The following NRG3 variants were observed in gnomAD, a reference collection of about 807,000 sequenced individuals.
NRG3 encodes the protein neuregulin 3.
A neutral mutation model predicts 66.9 loss-of-function variants in NRG3; 31 were observed. That is an observed-to-expected ratio of 0.46 (90% CI 0.35 to 0.63). The LOEUF (loss-of-function observed/expected upper bound fraction) is 0.63, where lower values mean the gene tolerates loss of function less well. NRG3 is among the 20% of genes least tolerant of loss of function. NRG3 has a pLI of 0.00. For synonymous variants in NRG3, 393 were observed against 359.4 expected (o/e 1.09, Z -1.06); for missense variants, 910 against 878.9 (o/e 1.04, Z -0.45).
chr10:82,864,544 T>A (rs1243431005), intron 3 of NRG3, among the ~76,000 whole-genome samples: 1 of 152,210 alleles, frequency 6.6e-6, no homozygotes, highest in Non-Finnish European at 1.5e-5. Flanking sequence ...GAAAAAAATG[T>A]TAATTAATGC....
intron 3 of NRG3, among the ~76,000 whole-genome samples, chr10:82,780,799 G>T (rs145642509): frequency 6.6e-6 from 1 of 152,200 alleles, no homozygotes; most frequent in African/African-American, 2.4e-5. Context: ...CCCAGGCAGG[G>T]TTATCTCCAT....
intron 2 of NRG3, among the ~76,000 whole-genome samples, chr10:82,443,061 G>T (rs1232227872): frequency 6.6e-6 from 1 of 151,982 alleles, no homozygotes; most frequent in East Asian, 1.9e-4. Flanking sequence ...ATTTAGATTT[G>T]AATCTGATTT....
rs1054142613 is a variant in NRG3 at position 81,984,619 on chromosome 10, G to A, written c.823+108456G>A. 5.3e-5 allele frequency among the ~76,000 whole-genome samples: 8 copies of A among 152,050 alleles called. No individual in the cohort carries two copies. In the South Asian group the frequency reaches 6.2e-4, roughly 12 times the overall value. Reference sequence around the variant, plus strand: ...CTGTTTGCCAAACTCCTATTCACTCGTCAAGAGGCAGTTTAAATATCTTCT... The same window carrying A: ...CTGTTTGCCAAACTCCTATTCACTCATCAAGAGGCAGTTTAAATATCTTCT... On this transcript the variant is annotated intron_variant, in intron 1 of 8. Coordinates refer to ENST00000372141, the MANE Select transcript of NRG3 (RefSeq NM_001010848.4).
At chr10:82,348,302 T>G (rs1261560059) in intron 1 of NRG3, among the ~76,000 whole-genome samples, 103 of 150,946 alleles carry the variant, frequency 6.8e-4, no homozygotes, top group African/African-American at 2.2e-3. Context: ...GTCTGTAAAG[T>G]ATTTTATTTC....
At chr10:82,583,584 T>C (rs1489186586) in intron 2 of NRG3, among the ~76,000 whole-genome samples, 1 of 152,218 alleles carries the variant, frequency 6.6e-6, no homozygotes, top group Non-Finnish European at 1.5e-5. Flanking sequence ...ACGCTTGTGA[T>C]TTCTATAAAA....
chr10:82,712,772 T>A (rs1369677660), intron 2 of NRG3, among the ~76,000 whole-genome samples: 1 of 152,092 alleles, frequency 6.6e-6, no homozygotes, highest in Non-Finnish European at 1.5e-5. Context: ...CTTAGGCACG[T>A]GGAACATGAG....
intron 1 of NRG3, among the ~76,000 whole-genome samples, chr10:82,044,564 T>A (rs2063185405): frequency 6.6e-6 from 1 of 151,882 alleles, no homozygotes; most frequent in Non-Finnish European, 1.5e-5. Flanking sequence ...ACGAAATAAT[T>A]TTTTTTAATT....
intron 4 of NRG3, among the ~76,000 whole-genome samples, chr10:82,869,567 ATTTATTTTATTTTATTTTATTTTAT>A (rs55739136): frequency 3.5e-5 from 4 of 113,080 alleles, no homozygotes; most frequent in African/African-American, 1.1e-4. Flanking sequence ...GGTCTTTTTT[ATTTATTTTATTTTATTTTATTTTAT>A]TTTATTTTAT....
chr10:82,030,632 A>T (rs2062523452), intron 1 of NRG3, among the ~76,000 whole-genome samples: 1 of 152,000 alleles, frequency 6.6e-6, no homozygotes, highest in Non-Finnish European at 1.5e-5. Context: ...GATATGATCA[A>T]GACTTGATTT....
At chr10:82,108,771 T>A (rs1314737482) in intron 1 of NRG3, among the ~76,000 whole-genome samples, 1 of 152,166 alleles carries the variant, frequency 6.6e-6, no homozygotes, top group African/African-American at 2.4e-5. Flanking sequence ...AGATGAGCAC[T>A]TTGATGTTCC....
chr10:82,485,857 G>A lies in NRG3; in HGVS notation c.953+126989G>A, dbSNP rs1042519908. Among the ~76,000 whole-genome samples the A allele has an allele frequency of 2.6e-5, 4 of 152,144 alleles. No individual in the cohort carries two copies. The East Asian group carries it at 7.7e-4, about 29-fold the overall frequency. On this transcript the variant is annotated intron_variant, in intron 2 of 8. Transcript: ENST00000372141. ...AAAGAAACAGTTAAGGGAGTTAAAG[G>A]ATTACCTATGGAGCAGGAGAAAATA... is the stretch of plus-strand genomic sequence containing the variant.
At chr10:82,937,091 T>C (rs185463351) in intron 4 of NRG3, among the ~76,000 whole-genome samples, 52 of 152,354 alleles carry the variant, frequency 3.4e-4, no homozygotes, top group African/African-American at 1.1e-3. Flanking sequence ...TACAACACTC[T>C]TTTAATTCTT....
intron 1 of NRG3, among the ~76,000 whole-genome samples, chr10:82,133,166 T>A (rs1463425743): frequency 6.6e-6 from 1 of 152,228 alleles, no homozygotes; most frequent in African/African-American, 2.4e-5. Context: ...TTATTTGAAA[T>A]TTTTCTACTT....
At chr10:82,018,528 C>T (rs912448192) in intron 1 of NRG3, among the ~76,000 whole-genome samples, 8 of 152,096 alleles carry the variant, frequency 5.3e-5, no homozygotes, top group African/African-American at 1.7e-4. Flanking sequence ...CCTTGGGCAG[C>T]ATGGCCATTT....
At chr10:82,071,660 G>A (rs2064813058) in intron 1 of NRG3, among the ~76,000 whole-genome samples, 1 of 152,156 alleles carries the variant, frequency 6.6e-6, no homozygotes, top group South Asian at 2.1e-4. Context: ...ACTCAGAAAG[G>A]GATGGGAAGC....
At position 82,423,972 on chromosome 10, in the gene NRG3, T is replaced by C. The variant is rs543935278; in HGVS notation, c.953+65104T>C. ...TTATCCGTGTTGTAGCATGAAGTAC[T>C]TCAGCCTTTTATGAGTGAATAATAT... On this transcript the variant is annotated intron_variant, in intron 2 of 8. Coordinates refer to ENST00000372141, the MANE Select transcript of NRG3 (RefSeq NM_001010848.4). 2.0e-5 allele frequency among the ~76,000 whole-genome samples: 3 copies of C among 152,144 alleles called. No homozygotes were observed. In the East Asian group the frequency reaches 5.8e-4, roughly 29 times the overall value.
intron 1 of NRG3, among the ~76,000 whole-genome samples, chr10:82,235,264 G>A (rs2076698739): frequency 6.6e-6 from 1 of 152,146 alleles, no homozygotes; most frequent in Non-Finnish European, 1.5e-5. Flanking sequence ...TGAGTTGATG[G>A]ATATTGATGG....
At chr10:82,368,288 C>A (rs2084670627) in intron 2 of NRG3, among the ~76,000 whole-genome samples, 1 of 138,316 alleles carries the variant, frequency 7.2e-6, no homozygotes, top group Admixed American at 6.8e-5. Context: ...TCTCCCAGCA[C>A]AGTGAGTCTT....
At chr10:82,433,222 T>C (rs1002056119) in intron 2 of NRG3, among the ~76,000 whole-genome samples, 2 of 152,202 alleles carry the variant, frequency 1.3e-5, no homozygotes, top group Admixed American at 6.5e-5. Flanking sequence ...TCAGTGATAT[T>C]GAGCTTTTTT....
Sources: gnomAD v4.1 joint callset for allele counts (sites outside exome capture counted in the v4.1 genomes callset) on GRCh38, gnomAD v4.1.1 for gene constraint, MANE v1.5 for transcripts, NCBI Gene and HGNC (gene_info 2026-07-23, HGNC 2026-07-21) for gene names.